The following ZNF516 variants were observed in gnomAD, a reference collection of about 807,000 sequenced individuals.
The protein encoded by ZNF516 is zinc finger protein 516.
In ZNF516, 19 loss-of-function variants were observed where a neutral mutation model predicts 79.7. The ratio of observed to expected loss-of-function variants is 0.24; its 90% confidence interval spans 0.17 to 0.35. The LOEUF (loss-of-function observed/expected upper bound fraction) is 0.35. ZNF516 is among the 10% of genes least tolerant of loss of function. The pLI is 1.00. For missense variants in ZNF516, 1,678 were observed against 1,679.5 expected (o/e 1.00, Z 0.02); for synonymous variants, 877 against 739.5 (o/e 1.19, Z -3.02).
chr18:76,457,895 GA>G (rs1336673868), intron 2 of ZNF516, among the ~76,000 whole-genome samples: 1 of 152,174 alleles, frequency 6.6e-6, no homozygotes, highest in Admixed American at 6.5e-5. Context: ...GCCACTCTCT[GA>G]AAGACAGCTC....
At chr18:76,487,882 C>A in intron 1 of ZNF516, 1 of 968,482 alleles carries the variant, frequency 1.0e-6, no homozygotes, top group Non-Finnish European at 1.2e-6. Flanking sequence ...ACACTTTCGG[C>A]CAGTCAGGTG....
chr18:76,362,705 C>G, intron 6 of ZNF516, 148 bp from the exon 7 acceptor site: 1 of 690,722 alleles, frequency 1.4e-6, no homozygotes, highest in Non-Finnish European at 2.5e-6. Context: ...GCGAAGACCC[C>G]CTGACCTGAG....
chr18:76,370,975 GCGCT>G (rs751016199), intron 5 of ZNF516, among the ~76,000 whole-genome samples: 2 of 152,134 alleles, frequency 1.3e-5, no homozygotes, highest in Non-Finnish European at 2.9e-5. Context: ...TAATGCCCCT[GCGCT>G]GTCCTGACAG....
At chr18:76,407,562 C>A in intron 3 of ZNF516, among the ~76,000 whole-genome samples, 1 of 152,334 alleles carries the variant, frequency 6.6e-6, no homozygotes, top group African/African-American at 2.4e-5. Context: ...CTGGCACAGA[C>A]AACACCGCCC....
At chr18:76,492,641 C>A in intron 1 of ZNF516, 1 of 876,942 alleles carries the variant, frequency 1.1e-6, no homozygotes. Context: ...ATCACCTGAA[C>A]CAAAAACGCA....
rs866127719 is a variant in ZNF516 at position 76,469,509 on chromosome 18, G to C, written c.-271-6368C>G. The stretch of plus-strand genomic sequence containing the variant: ...TTCCACTACTGCATTCAAGATAAAA[G>C]AGCTTTCTTTCAGTGTAAGAAGAAA... On this transcript the variant is annotated intron_variant, in intron 1 of 6. Transcript: ENST00000443185. Among the ~76,000 whole-genome samples, 9 of 152,174 alleles carry C rather than the reference G, an allele frequency of 5.9e-5. No homozygotes were observed. In the South Asian group the frequency reaches 1.9e-3, roughly 32 times the overall value.
At chr18:76,460,215 C>G (rs1913013329) in intron 2 of ZNF516, among the ~76,000 whole-genome samples, 1 of 152,224 alleles carries the variant, frequency 6.6e-6, no homozygotes, top group Admixed American at 6.5e-5. Context: ...GGAGGCACCT[C>G]TGCCTGCACT....
At chr18:76,449,906 T>A (rs895327614) in intron 2 of ZNF516, among the ~76,000 whole-genome samples, 15 of 152,216 alleles carry the variant, frequency 9.9e-5, no homozygotes, top group Admixed American at 5.9e-4. Flanking sequence ...TTTAACACAA[T>A]TAAAAAGTCT....
intron 4 of ZNF516, among the ~76,000 whole-genome samples, chr18:76,371,934 C>T (rs1214022731): frequency 5.3e-5 from 8 of 152,200 alleles, no homozygotes; most frequent in Admixed American, 2.0e-4. Context: ...GTGACACCGG[C>T]GTGACAGAGA....
intron 1 of ZNF516, among the ~76,000 whole-genome samples, chr18:76,465,160 C>T (rs1913382699): frequency 6.6e-6 from 1 of 152,214 alleles, no homozygotes; most frequent in African/African-American, 2.4e-5. Flanking sequence ...CAACATGTGT[C>T]AGTTTTTTAA....
At chr18:76,491,183 C>T in intron 1 of ZNF516, 1 of 883,250 alleles carries the variant, frequency 1.1e-6, no homozygotes, top group Non-Finnish European at 1.4e-6. Context: ...CCTCGGCCCC[C>T]GGAGCCCGGT....
At chr18:76,433,462 A>G (rs2075689038) in intron 3 of ZNF516, among the ~76,000 whole-genome samples, 1 of 152,162 alleles carries the variant, frequency 6.6e-6, no homozygotes, top group Non-Finnish European at 1.5e-5. Context: ...CCTGAAAAGA[A>G]TGTGTCCACG....
At chr18:76,450,036 G>T (rs1441332007) in intron 2 of ZNF516, among the ~76,000 whole-genome samples, 1 of 152,166 alleles carries the variant, frequency 6.6e-6, no homozygotes, top group Non-Finnish European at 1.5e-5. Flanking sequence ...GAGAACTACT[G>T]TTACTTGTGT....
chr18:76,470,822 G>A (rs2145725742), intron 1 of ZNF516, among the ~76,000 whole-genome samples: 1 of 152,138 alleles, frequency 6.6e-6, no homozygotes, highest in East Asian at 1.9e-4. Context: ...AGACCATCCT[G>A]GCTAACACAG....
chr18:76,496,156 G>T (rs1198318786), upstream of ZNF516: 1 of 793,874 alleles, frequency 1.3e-6, no homozygotes, highest in African/African-American at 1.9e-5. Flanking sequence ...AGGGGAGGGC[G>T]GGCGCGCGGG....
chr18:76,409,821 G>C (rs2075351460), intron 3 of ZNF516, among the ~76,000 whole-genome samples: 1 of 152,192 alleles, frequency 6.6e-6, no homozygotes, highest in African/African-American at 2.4e-5. Flanking sequence ...CCAGACATTA[G>C]AGGTGGTATG....
chr18:76,388,947 T>C (rs939898899), intron 3 of ZNF516: 1 of 152,164 alleles, frequency 6.6e-6, no homozygotes, highest in African/African-American at 2.4e-5. Context: ...GAGCAGCAAA[T>C]GAACCATACA....
chr18:76,395,005 G>A (rs953055342), intron 3 of ZNF516, among the ~76,000 whole-genome samples: 5 of 152,158 alleles, frequency 3.3e-5, no homozygotes, highest in Admixed American at 2.6e-4. Flanking sequence ...ACTCAGTCCC[G>A]ATTCCAACTC....
chr18:76,462,609 C>T (rs555617016), intron 2 of ZNF516, among the ~76,000 whole-genome samples: 2 of 152,330 alleles, frequency 1.3e-5, no homozygotes, highest in African/African-American at 2.4e-5. Context: ...CCAAAAACAT[C>T]GCCCAACTGT....
Sources: allele counts gnomAD v4.1 joint callset (sites outside exome capture counted in the v4.1 genomes callset), GRCh38; gene constraint gnomAD v4.1.1; transcripts MANE v1.5; gene names NCBI Gene and HGNC (gene_info 2026-07-23, HGNC 2026-07-21).